The following DGKD variants were observed in gnomAD, a reference collection of about 807,000 sequenced individuals.
The protein encoded by DGKD is diacylglycerol kinase delta.
In DGKD, 68 loss-of-function variants were observed where a neutral mutation model predicts 154.4. The ratio of observed to expected loss-of-function variants is 0.44; its 90% CI spans 0.36 to 0.54. The LOEUF (loss-of-function observed/expected upper bound fraction) is 0.54, where lower values mean the gene tolerates loss of function less well. Ranked by LOEUF, DGKD falls within the 20% of genes least tolerant of loss-of-function variation. DGKD has a pLI of 0.00. For missense variants in DGKD, 1,343 were observed against 1,593.6 expected (o/e 0.84, Z 2.68); for synonymous variants, 693 against 638.0 (o/e 1.09, Z -1.30).
At chr2:233,392,759 G>T (rs1575028719) in intron 3 of DGKD, among the ~76,000 whole-genome samples, 1 of 152,128 alleles carries the variant, frequency 6.6e-6, no homozygotes, top group East Asian at 1.9e-4. Context: ...CTTGCATTTT[G>T]ATCATTTTTT....
At chr2:233,434,977 C>T in intron 5 of DGKD, 76 bp downstream of exon 5, 1 of 1,545,928 alleles carries the variant, frequency 6.5e-7, no homozygotes, top group Non-Finnish European at 8.7e-7. Context: ...GAAATCCAAA[C>T]CCAGTCACCA....
intron 28 of DGKD, among the ~76,000 whole-genome samples, chr2:233,467,533 C>G (rs1160962065): frequency 2.0e-5 from 3 of 152,232 alleles, no homozygotes; most frequent in Non-Finnish European, 4.4e-5. Context: ...TCAGGCCGTG[C>G]TGGGGCATGC....
intron 3 of DGKD, among the ~76,000 whole-genome samples, chr2:233,417,600 T>C (rs1337451452): frequency 6.6e-6 from 1 of 152,214 alleles, no homozygotes; most frequent in African/African-American, 2.4e-5. Flanking sequence ...TTCCTGATGC[T>C]AAGATTCTTT....
At chr2:233,430,666 C>G (rs1235886476) in intron 3 of DGKD, among the ~76,000 whole-genome samples, 1 of 152,106 alleles carries the variant, frequency 6.6e-6, no homozygotes, top group Non-Finnish European at 1.5e-5. Flanking sequence ...AACTCCATCG[C>G]TATATTATAA....
In DGKD at chr2:233,456,294, C is replaced by T. The variant is rs528840811; in HGVS notation, c.2376-605C>T. 7.2e-5 allele frequency among the ~76,000 whole-genome samples: 11 copies of T among 152,298 alleles called. No homozygotes were observed. In the East Asian group the frequency reaches 7.7e-4, roughly 11 times the overall value. On this transcript the variant is annotated intron_variant, in intron 19 of 29. Transcript: ENST00000264057. ...CGATAAGCTGTGGTAGAGCAGTGCC[C>T]GGCTGAGGATGGCCACATCTGCAGA...
At chr2:233,387,081 AGGCAGCGCAGTGTT>A (rs1703228796) in intron 1 of DGKD, among the ~76,000 whole-genome samples, 1 of 152,248 alleles carries the variant, frequency 6.6e-6, no homozygotes, top group Non-Finnish European at 1.5e-5. Context: ...TGGATGGAAC[AGGCAGCGCAGTGTT>A]CTGCGCTTGC....
intron 18 of DGKD, among the ~76,000 whole-genome samples, chr2:233,453,895 A>C (rs1430618059): frequency 2.0e-5 from 3 of 152,200 alleles, no homozygotes; most frequent in Admixed American, 2.0e-4. Flanking sequence ...TGGGGCTGGG[A>C]TGGATGTTTT....
chr2:233,438,175 T>G lies in DGKD; in HGVS notation c.923-42T>G. 6.2e-7 allele frequency: 1 copy of G among 1,604,790 alleles called. No individual in the cohort carries two copies. The highest frequency in any genetic ancestry group is 8.5e-7 in the Non-Finnish European group (1 of 1,174,502). On this transcript the variant is annotated intron_variant, in intron 8 of 29. Transcript: ENST00000264057. This position sits in a 1 kb window ranked among gnomAD's most constrained non-coding sequence, Gnocchi z 4.1. The stretch of plus-strand genomic sequence containing the variant: ...TCCATCAGTGGTGCCCTCAGCGTCT[T>G]CCGTGGCCTATATATTTTCTTCTGT...
At chr2:233,425,535 A>C (rs115500548) in intron 3 of DGKD, among the ~76,000 whole-genome samples, 1,567 of 152,300 alleles carry the variant, frequency 0.01, 31 homozygotes, top group African/African-American at 0.035. Flanking sequence ...AACACATGCA[A>C]GTGGTACAGA....
rs751257815 is a variant in DGKD at position 233,464,263 on chromosome 2, G to C, written c.3286G>C (p.Ala1096Pro). Residue 1096 changes from alanine to proline, a missense_variant, in exon 27 of 30, where the codon GCA becomes CCA. By Grantham distance (27) the Ala-to-Pro change is conservative. Around this residue, in one of 6 missense-constraint regions of DGKD, gnomAD observed 429 missense variants for 496.3 expected, o/e 0.86. Transcript: ENST00000264057. ...AGACACCCCGTGGCTCTGCCAGTCC[G>C]CAGAGCCCGGCGACGAAGAGGTATG... The part of the protein sequence containing the change: ...LADTPWLCQS[A>P]EPGDEESVML... 6.2e-7 allele frequency: 1 copy of C among 1,613,596 alleles called. No individual in the cohort carries two copies. Among genetic ancestry groups the C allele is most frequent in the East Asian group, 2.2e-5 (1 of 44,868 alleles).
At chr2:233,418,464 A>G (rs2062017996) in intron 3 of DGKD, among the ~76,000 whole-genome samples, 1 of 152,172 alleles carries the variant, frequency 6.6e-6, no homozygotes, top group Admixed American at 6.5e-5. Flanking sequence ...GTAACACAAT[A>G]TTTCTGTCAC....
chr2:233,456,678 G>A (rs2063471304), intron 19 of DGKD, among the ~76,000 whole-genome samples: 1 of 152,028 alleles, frequency 6.6e-6, no homozygotes, highest in African/African-American at 2.4e-5. Flanking sequence ...TACTTTCTTG[G>A]CAAAATGTTA....
At chr2:233,463,651 G>C (rs113516785) in intron 26 of DGKD, among the ~76,000 whole-genome samples, 515 of 14,786 alleles carry the variant, frequency 0.035, 10 homozygotes, top group African/African-American at 0.083. Context: ...CTCCACGCAT[G>C]TCCTCACTGC....
intron 18 of DGKD, chr2:233,454,406 A>G (rs556836115): frequency 2.1e-6 from 1 of 475,056 alleles, no homozygotes; most frequent in East Asian, 6.8e-5. Flanking sequence ...CATTCCTGTG[A>G]ACTGCCTAGA....
chr2:233,388,064 A>G, intron 1 of DGKD, 193 bp from the exon 2 acceptor site: 1 of 1,285,702 alleles, frequency 7.8e-7, no homozygotes, highest in East Asian at 2.7e-5. Flanking sequence ...CTTAGAGGAC[A>G]GGATTGGTGC....
intron 28 of DGKD, among the ~76,000 whole-genome samples, chr2:233,468,116 C>T (rs945602811): frequency 6.6e-6 from 1 of 151,908 alleles, no homozygotes; most frequent in African/African-American, 2.4e-5. Context: ...GCCCCTTGAG[C>T]GGGTGGCTCT....
intron 1 of DGKD, among the ~76,000 whole-genome samples, chr2:233,368,712 A>G (rs1574985150): frequency 1.3e-5 from 2 of 152,100 alleles, no homozygotes; most frequent in Admixed American, 6.6e-5. Context: ...GAGTATCACT[A>G]TATGGATTCA....
At chr2:233,431,149 A>G (rs1002758455) in intron 3 of DGKD, among the ~76,000 whole-genome samples, 3 of 152,252 alleles carry the variant, frequency 2.0e-5, no homozygotes, top group East Asian at 3.9e-4. Flanking sequence ...CAAAATCAAC[A>G]TGCAAAACTC....
intron 3 of DGKD, among the ~76,000 whole-genome samples, chr2:233,398,867 G>A (rs1575044241): frequency 6.6e-6 from 1 of 152,076 alleles, no homozygotes; most frequent in Non-Finnish European, 1.5e-5. Flanking sequence ...CAAGTGATCT[G>A]CCCGCTTCAG....
Sources: gnomAD v4.1 joint callset for allele counts (sites outside exome capture counted in the v4.1 genomes callset) on GRCh38, gnomAD v4.1.1 for gene constraint, gnomAD v4.1.1 regional missense constraint, Gnocchi (gnomAD v3.1) non-coding constraint, MANE v1.5 for transcripts, NCBI Gene and HGNC (gene_info 2026-07-23, HGNC 2026-07-21) for gene names.